The following SYNPR variants were observed in gnomAD, a reference collection of about 807,000 sequenced individuals.
The protein encoded by SYNPR is synaptoporin.
A neutral mutation model predicts 32.9 loss-of-function variants in SYNPR; 23 were observed. The observed-to-expected ratio is 0.70, with a 90% CI of 0.50 to 0.99. The LOEUF (loss-of-function observed/expected upper bound fraction) is 0.99, where lower values mean the gene tolerates loss of function less well. Among genes scored for constraint, SYNPR ranks in the 50% least tolerant of loss-of-function variants. The pLI, the probability that SYNPR is intolerant of heterozygous loss-of-function variation, is 0.00. For synonymous variants in SYNPR, 146 were observed against 135.9 expected (o/e 1.07, Z -0.52); for missense variants, 318 against 349.3 (o/e 0.91, Z 0.71).
At chr3:63,360,856 C>G (rs1181007520) in intron 2 of SYNPR, among the ~76,000 whole-genome samples, 4 of 152,120 alleles carry the variant, frequency 2.6e-5, no homozygotes, top group Non-Finnish European at 5.9e-5. Context: ...ACATTCTTGT[C>G]CATAACACTT....
intron 2 of SYNPR, chr3:63,423,641 G>A (rs1358063284): frequency 1.3e-5 from 2 of 152,200 alleles, no homozygotes; most frequent in Non-Finnish European, 2.9e-5. Context: ...AGCAGGTTCT[G>A]GTCATGTCCC....
At chr3:63,356,170 A>G (rs1036654871) in intron 2 of SYNPR, among the ~76,000 whole-genome samples, 3 of 152,216 alleles carry the variant, frequency 2.0e-5, no homozygotes, top group African/African-American at 7.2e-5. Context: ...GTGGAAGTCC[A>G]GAAGCTCCAT....
At chr3:63,505,381 T>C (rs1701568294) in intron 3 of SYNPR, among the ~76,000 whole-genome samples, 1 of 152,166 alleles carries the variant, frequency 6.6e-6, no homozygotes, top group Admixed American at 6.6e-5. Flanking sequence ...AAACACTAGT[T>C]ATTTCCCCTA....
chr3:63,231,261 T>C (rs2086164536), intron 1 of SYNPR, among the ~76,000 whole-genome samples: 1 of 152,066 alleles, frequency 6.6e-6, no homozygotes, highest in South Asian at 2.1e-4. Flanking sequence ...AAACCACTTA[T>C]AAGTGGGAGC....
rs556553371 is a variant in SYNPR, at chr3:63,264,274, G to T, written n.155-3043G>T. Among the ~76,000 whole-genome samples the T allele has an allele frequency of 6.6e-5, 10 of 152,276 alleles. No homozygotes were observed. The East Asian group carries it at 1.9e-3, about 29-fold the overall frequency. ...TCTGATATTGGGTAGATTAAAAAAA[G>T]TGAAGAAGCTCAGTAATCTGCCAAA... On this transcript the variant is annotated intron_variant and non_coding_transcript_variant, in intron 2 of 4. Transcript: ENST00000478456.
intron 4 of SYNPR, among the ~76,000 whole-genome samples, chr3:63,579,291 C>T (rs1436411519): frequency 6.6e-6 from 1 of 152,120 alleles, no homozygotes; most frequent in Non-Finnish European, 1.5e-5. Flanking sequence ...CCTCCCCTTC[C>T]TTCTGCCTGG....
intron 3 of SYNPR, among the ~76,000 whole-genome samples, chr3:63,517,038 A>G (rs1559523486): frequency 6.6e-6 from 1 of 152,208 alleles, no homozygotes; most frequent in Admixed American, 6.6e-5. Context: ...TTCAAAATGA[A>G]CATAACCTGT....
intron 3 of SYNPR, among the ~76,000 whole-genome samples, chr3:63,556,040 G>A (rs1702590210): frequency 1.3e-5 from 2 of 152,204 alleles, no homozygotes; most frequent in African/African-American, 4.8e-5. Context: ...AGGGGGCAGA[G>A]TGATTTAGGA....
At chr3:63,356,823 C>T (rs750461140) in intron 2 of SYNPR, among the ~76,000 whole-genome samples, 12 of 152,150 alleles carry the variant, frequency 7.9e-5, no homozygotes, top group African/African-American at 1.7e-4. Flanking sequence ...TTTTTCTCAA[C>T]GATGAAGGCA....
chr3:63,560,128 G>C (rs1282243212), intron 4 of SYNPR, among the ~76,000 whole-genome samples: 1 of 152,132 alleles, frequency 6.6e-6, no homozygotes, highest in African/African-American at 2.4e-5. Flanking sequence ...TCATTATGTC[G>C]TGGGAGGAAG....
At chr3:63,349,861 C>T (rs1008941462) in intron 2 of SYNPR, among the ~76,000 whole-genome samples, 1 of 152,142 alleles carries the variant, frequency 6.6e-6, no homozygotes, top group Non-Finnish European at 1.5e-5. Context: ...TGATTCTTGT[C>T]TTTTGGTTTC....
intron 2 of SYNPR, among the ~76,000 whole-genome samples, chr3:63,281,396 T>C (rs531261575): frequency 6.6e-6 from 1 of 152,350 alleles, no homozygotes; most frequent in East Asian, 1.9e-4. Context: ...TAAAGATATA[T>C]GTATCTTAGT....
intron 2 of SYNPR, among the ~76,000 whole-genome samples, chr3:63,325,867 G>C (rs2087160939): frequency 6.6e-6 from 1 of 151,814 alleles, no homozygotes; most frequent in African/African-American, 2.4e-5. Context: ...CTGAAGATAG[G>C]GAAGCTTTGG....
intron 2 of SYNPR, among the ~76,000 whole-genome samples, chr3:63,256,732 G>A (rs1378604521): frequency 1.3e-5 from 2 of 152,198 alleles, no homozygotes; most frequent in African/African-American, 2.4e-5. Context: ...TGACTTTGAC[G>A]AGTTGAGAGA....
chr3:63,534,263 G>A (rs980150349), intron 3 of SYNPR, among the ~76,000 whole-genome samples: 4 of 152,282 alleles, frequency 2.6e-5, no homozygotes, highest in East Asian at 1.9e-4. Context: ...TGGAGTTGAT[G>A]AGAACATTAA....
chr3:63,602,565 GCTAGCCAGTTAT>G (rs1344547947), intron 4 of SYNPR, among the ~76,000 whole-genome samples: 1 of 152,148 alleles, frequency 6.6e-6, no homozygotes, highest in Non-Finnish European at 1.5e-5. Context: ...TCTGCATAGG[GCTAGCCAGTTAT>G]CCTAGCACCA....
the SYNPR span, among the ~76,000 whole-genome samples, chr3:63,217,896 C>T: frequency 2.6e-5 from 4 of 152,138 alleles, no homozygotes; most frequent in Non-Finnish European, 5.9e-5. Flanking sequence ...ATTGCAAATC[C>T]ATGCTCTCCA....
At chr3:63,226,971 G>A (rs1006746404), upstream of SYNPR, among the ~76,000 whole-genome samples, 4 of 151,994 alleles carry the variant, frequency 2.6e-5, no homozygotes, top group African/African-American at 9.7e-5. Flanking sequence ...ATACTCACAT[G>A]TACTTCATAA....
intron 4 of SYNPR, among the ~76,000 whole-genome samples, chr3:63,583,430 T>C (rs55916343): frequency 6.6e-6 from 1 of 152,034 alleles, no homozygotes; most frequent in Non-Finnish European, 1.5e-5. Flanking sequence ...ATAAAGAAAA[T>C]ATAAGTTTCT....
Sources: gnomAD v4.1 joint callset for allele counts (sites outside exome capture counted in the v4.1 genomes callset) on GRCh38, gnomAD v4.1.1 for gene constraint, MANE v1.5 for transcripts, NCBI Gene and HGNC (gene_info 2026-07-23, HGNC 2026-07-21) for gene names.